C1QTNF3: variants seen among roughly 807,000 people sequenced by gnomAD.
C1QTNF3 encodes complement C1q tumor necrosis factor-related protein 3.
C1QTNF3 carries 26 observed loss-of-function variants against 32.6 expected under a neutral mutation model. The observed-to-expected ratio is 0.80, with a 90% CI of 0.58 to 1.11. The LOEUF is 1.11. Ranked by LOEUF, C1QTNF3 falls within the 50% of genes least tolerant of loss-of-function variation. The pLI, the probability that C1QTNF3 is intolerant of heterozygous loss-of-function variation, is 0.00. For synonymous variants in C1QTNF3, 155 were observed against 146.0 expected (o/e 1.06, Z -0.44); for missense variants, 362 against 398.2 (o/e 0.91, Z 0.77).
chr5:34,046,310 C>T (rs528554546), upstream of C1QTNF3, among the ~76,000 whole-genome samples: 2 of 152,158 alleles, frequency 1.3e-5, no homozygotes, highest in Non-Finnish European at 2.9e-5. Context: ...TTTGCTCAAA[C>T]TCTTTAAAAC....
chr5:34,071,892 G>A, the C1QTNF3 span, among the ~76,000 whole-genome samples: 5 of 152,072 alleles, frequency 3.3e-5, no homozygotes, highest in African/African-American at 9.7e-5. Flanking sequence ...AGAAATTACC[G>A]GGAAAGAAAC....
chr5:34,173,606 G>T, the C1QTNF3 span, among the ~76,000 whole-genome samples: 1 of 109,242 alleles, frequency 9.2e-6, no homozygotes, highest in African/African-American at 3.5e-5. Context: ...AATTTGAAGT[G>T]AATGTATTAT....
At chr5:34,154,717 T>C in the C1QTNF3 span, among the ~76,000 whole-genome samples, 2 of 152,128 alleles carry the variant, frequency 1.3e-5, no homozygotes, top group Admixed American at 6.5e-5. Context: ...ATTTGTATCA[T>C]CTGGAAGTAG....
chr5:34,040,143 G>A (rs1328407971), intron 1 of C1QTNF3, among the ~76,000 whole-genome samples: 11 of 152,162 alleles, frequency 7.2e-5, no homozygotes, highest in Non-Finnish European at 1.5e-4. Flanking sequence ...TTTCTCCTAG[G>A]TAAGGGAAAA....
At chr5:34,215,288 G>A in the C1QTNF3 span, among the ~76,000 whole-genome samples, 1 of 151,984 alleles carries the variant, frequency 6.6e-6, no homozygotes, top group African/African-American at 2.4e-5. Context: ...GGCTAGGGGA[G>A]CTCTATTAAA....
the C1QTNF3 span, among the ~76,000 whole-genome samples, chr5:34,128,462 T>C: frequency 4.6e-5 from 7 of 152,160 alleles, no homozygotes; most frequent in Non-Finnish European, 7.4e-5. Context: ...AATTCACCGA[T>C]AGCTCGCCCT....
chr5:34,212,731 C>A, the C1QTNF3 span, among the ~76,000 whole-genome samples: 2 of 149,536 alleles, frequency 1.3e-5, no homozygotes, highest in Non-Finnish European at 3.0e-5. Flanking sequence ...GTTAGAATGG[C>A]AATCATTAAA....
chr5:34,173,933 G>T, the C1QTNF3 span, among the ~76,000 whole-genome samples: 1 of 152,144 alleles, frequency 6.6e-6, no homozygotes, highest in Non-Finnish European at 1.5e-5. Context: ...AGTAGAGTCA[G>T]CATGGTCAAA....
the C1QTNF3 span, among the ~76,000 whole-genome samples, chr5:34,081,116 T>A: frequency 1.3e-5 from 2 of 151,664 alleles, no homozygotes; most frequent in Admixed American, 6.6e-5. Flanking sequence ...TTGAACAAGG[T>A]TGGTAAAAAC....
chr5:34,188,240 G>A, the C1QTNF3 span, among the ~76,000 whole-genome samples: 12 of 151,312 alleles, frequency 7.9e-5, no homozygotes, highest in South Asian at 4.2e-4. Context: ...GCACGGGAGC[G>A]GGGGGCCCTC....
the C1QTNF3 span, among the ~76,000 whole-genome samples, chr5:34,178,252 G>A: frequency 6.6e-6 from 1 of 152,070 alleles, no homozygotes; most frequent in Non-Finnish European, 1.5e-5. Flanking sequence ...CTACACTCCA[G>A]CCTGGGTGAC....
chr5:34,111,792 G>C, the C1QTNF3 span, among the ~76,000 whole-genome samples: 10 of 152,156 alleles, frequency 6.6e-5, no homozygotes, highest in Non-Finnish European at 1.2e-4. Context: ...TGTTGCCCTG[G>C]TCATCACCAT....
At chr5:34,212,355 A>C in the C1QTNF3 span, among the ~76,000 whole-genome samples, 1,571 of 152,252 alleles carry the variant, frequency 0.01, 27 homozygotes, top group African/African-American at 0.036. Flanking sequence ...CAAGGACTTC[A>C]TGTCTAAAAC....
chr5:34,078,136 T>C, the C1QTNF3 span, among the ~76,000 whole-genome samples: 1 of 151,620 alleles, frequency 6.6e-6, no homozygotes, highest in African/African-American at 2.4e-5. The surrounding 1 kb of genome is among the most constrained non-coding windows in gnomAD (Gnocchi z 4.0). Context: ...CTGGTTGATG[T>C]CTGTGATGTG....
At chr5:34,021,484 A>G (rs840383) in intron 5 of C1QTNF3, among the ~76,000 whole-genome samples, 59,058 of 152,120 alleles carry the variant, frequency 0.39, 11,873 homozygotes, top group South Asian at 0.65. Flanking sequence ...CTACGTGATT[A>G]GGGCCTAACA....
the C1QTNF3 span, among the ~76,000 whole-genome samples, chr5:34,067,818 C>T: frequency 2.6e-5 from 4 of 152,174 alleles, no homozygotes; most frequent in African/African-American, 9.7e-5. Flanking sequence ...GAGCTAAATA[C>T]ATTAAACTGT....
chr5:34,171,114 A>T, the C1QTNF3 span, among the ~76,000 whole-genome samples: 2 of 152,200 alleles, frequency 1.3e-5, no homozygotes, highest in East Asian at 3.9e-4. Flanking sequence ...CTCAAATTTT[A>T]AACCTAGAGC....
At chr5:34,056,444 GTGTGTGTGTGTATA>G in the C1QTNF3 span, among the ~76,000 whole-genome samples, 186 of 40,132 alleles carry the variant, frequency 4.6e-3, 1 homozygote, top group Admixed American at 0.019. Context: ...GTGTGTGTGT[GTGTGTGTGTGTATA>G]TATATATATA....
the C1QTNF3 span, among the ~76,000 whole-genome samples, chr5:34,127,588 CTTTTT>C: frequency 4.2e-5 from 6 of 141,196 alleles, no homozygotes; most frequent in African/African-American, 5.3e-5. Flanking sequence ...TTTTCTTTTC[CTTTTT>C]TTTTTTTTTT....
Sources: gnomAD v4.1 joint callset for allele counts (sites outside exome capture counted in the v4.1 genomes callset) on GRCh38, gnomAD v4.1.1 for gene constraint, Gnocchi (gnomAD v3.1) non-coding constraint, MANE v1.5 for transcripts, NCBI Gene and HGNC (gene_info 2026-07-23, HGNC 2026-07-21) for gene names.